The following SH3PXD2A variants were observed in gnomAD, a reference collection of about 807,000 sequenced individuals.
SH3PXD2A encodes the protein SH3 and PX domains 2A.
In SH3PXD2A, 32 loss-of-function variants were observed where a neutral mutation model predicts 115.2. The observed-to-expected ratio is 0.28, with a 90% CI of 0.21 to 0.37. The LOEUF is 0.37. SH3PXD2A is among the 10% of genes least tolerant of loss of function. SH3PXD2A has a pLI of 1.00. For missense variants in SH3PXD2A, 1,328 were observed against 1,498.7 expected (o/e 0.89, Z 1.88); for synonymous variants, 610 against 629.1 (o/e 0.97, Z 0.45).
At chr10:103,737,321 T>C (rs1410779465) in intron 3 of SH3PXD2A, among the ~76,000 whole-genome samples, 2 of 152,216 alleles carry the variant, frequency 1.3e-5, no homozygotes, top group Non-Finnish European at 2.9e-5. Flanking sequence ...CCAATTTAGA[T>C]CATTTCCATT....
intron 11 of SH3PXD2A, among the ~76,000 whole-genome samples, chr10:103,613,748 C>T (rs1010926093): frequency 6.6e-6 from 1 of 152,122 alleles, no homozygotes; most frequent in African/African-American, 2.4e-5. Flanking sequence ...GGGATAGAGT[C>T]GCTGCTAAAA....
intron 8 of SH3PXD2A, among the ~76,000 whole-genome samples, chr10:103,646,519 A>C (rs2134011826): frequency 6.6e-6 from 1 of 152,188 alleles, no homozygotes; most frequent in African/African-American, 2.4e-5. Context: ...TCCCACACTG[A>C]CCTGTCAATC....
At chr10:103,697,165 C>T (rs973997630) in intron 5 of SH3PXD2A, among the ~76,000 whole-genome samples, 1 of 152,160 alleles carries the variant, frequency 6.6e-6, no homozygotes, top group Non-Finnish European at 1.5e-5. Context: ...CCTTGATCTA[C>T]TTTCTTGGCC....
chr10:103,803,656 G>A (rs917659652), intron 1 of SH3PXD2A, among the ~76,000 whole-genome samples: 2 of 152,140 alleles, frequency 1.3e-5, no homozygotes, highest in African/African-American at 4.8e-5. Flanking sequence ...TAACTGAACT[G>A]GACTATCTCC....
chr10:103,615,841 C>T (rs1375384454), intron 11 of SH3PXD2A, among the ~76,000 whole-genome samples: 1 of 152,056 alleles, frequency 6.6e-6, no homozygotes, highest in Non-Finnish European at 1.5e-5. Flanking sequence ...CCTGGCTTTC[C>T]CATGTTCAAC....
chr10:103,768,505 G>C (rs1350347996), intron 2 of SH3PXD2A, among the ~76,000 whole-genome samples: 2 of 152,234 alleles, frequency 1.3e-5, no homozygotes, highest in African/African-American at 4.8e-5. Flanking sequence ...CTGAGTGGCA[G>C]GATGGGCCAG....
chr10:103,825,110 T>C (rs1037024441), intron 1 of SH3PXD2A, among the ~76,000 whole-genome samples: 3 of 152,206 alleles, frequency 2.0e-5, no homozygotes, highest in African/African-American at 7.2e-5. Flanking sequence ...TTCTAAATCC[T>C]AAACCTCTAC....
chr10:103,624,564 G>A (rs2036662263), intron 9 of SH3PXD2A, among the ~76,000 whole-genome samples: 1 of 152,222 alleles, frequency 6.6e-6, no homozygotes, highest in Non-Finnish European at 1.5e-5. Context: ...CTGGGTTCAA[G>A]AGCAGCATGA....
At chr10:103,634,303 A>G (rs1391140032) in intron 8 of SH3PXD2A, among the ~76,000 whole-genome samples, 14 of 152,352 alleles carry the variant, frequency 9.2e-5, no homozygotes, top group Middle Eastern at 3.4e-3. Flanking sequence ...GTGTGCTTGG[A>G]CATGATATGC....
intron 1 of SH3PXD2A, among the ~76,000 whole-genome samples, chr10:103,828,966 C>G (rs756290659): frequency 6.6e-6 from 1 of 152,254 alleles, no homozygotes; most frequent in South Asian, 2.1e-4. Flanking sequence ...ATGGGGCAGT[C>G]ACCCGTTGCA....
chr10:103,626,207 C>T (rs1001101300), intron 9 of SH3PXD2A, among the ~76,000 whole-genome samples: 12 of 152,252 alleles, frequency 7.9e-5, no homozygotes, highest in Non-Finnish European at 8.8e-5. Flanking sequence ...AGCTGCCCGC[C>T]GAGTAACCGA....
intron 5 of SH3PXD2A, among the ~76,000 whole-genome samples, chr10:103,699,231 T>C (rs1319909532): frequency 1.3e-5 from 2 of 152,268 alleles, no homozygotes; most frequent in South Asian, 2.1e-4. Context: ...TTCAAACTAG[T>C]GCTTTTCAAA....
intron 3 of SH3PXD2A, among the ~76,000 whole-genome samples, chr10:103,762,960 CTGTCTGGGTCA>C (rs945707958): frequency 6.6e-6 from 1 of 151,868 alleles, no homozygotes; most frequent in African/African-American, 2.4e-5. Context: ...CCAATGAGCC[CTGTCTGGGTCA>C]GCTTCTCCAG....
intron 2 of SH3PXD2A, among the ~76,000 whole-genome samples, chr10:103,796,773 C>T (rs2039093761): frequency 1.3e-5 from 2 of 151,912 alleles, no homozygotes; most frequent in Middle Eastern, 3.4e-3. Flanking sequence ...AGTGAAAATA[C>T]AGGATGCATA....
chr10:103,836,261 A>G (rs147418122), intron 1 of SH3PXD2A, among the ~76,000 whole-genome samples: 163 of 152,236 alleles, frequency 1.1e-3, no homozygotes, highest in South Asian at 8.1e-3. Context: ...GGGGGCTCTC[A>G]AGGATAAAAG....
At chr10:103,832,219 T>G (rs1258400901) in intron 1 of SH3PXD2A, among the ~76,000 whole-genome samples, 3 of 152,072 alleles carry the variant, frequency 2.0e-5, no homozygotes, top group Non-Finnish European at 1.5e-5. Context: ...TCCTGTAACT[T>G]AACCTATCCC....
intron 10 of SH3PXD2A, among the ~76,000 whole-genome samples, chr10:103,621,308 A>T (rs2068758989): frequency 6.6e-6 from 1 of 152,156 alleles, no homozygotes; most frequent in Admixed American, 6.5e-5. Flanking sequence ...CCATTGCTCT[A>T]TGTCCAGCCT....
chr10:103,824,739 C>A (rs2039412582), intron 1 of SH3PXD2A, among the ~76,000 whole-genome samples: 1 of 152,172 alleles, frequency 6.6e-6, no homozygotes, highest in Non-Finnish European at 1.5e-5. Context: ...CTGAATCCAA[C>A]CTTCACCTGT....
At chr10:103,751,432 T>C (rs544586124) in intron 3 of SH3PXD2A, among the ~76,000 whole-genome samples, 8 of 152,338 alleles carry the variant, frequency 5.3e-5, no homozygotes, top group Admixed American at 3.9e-4. Context: ...CCCAACAATA[T>C]AGATACCATT....
Sources: allele counts gnomAD v4.1 joint callset (sites outside exome capture counted in the v4.1 genomes callset), GRCh38; gene constraint gnomAD v4.1.1; transcripts MANE v1.5; gene names NCBI Gene and HGNC (gene_info 2026-07-23, HGNC 2026-07-21).